LIPA: variants seen among roughly 807,000 people sequenced by gnomAD.
LIPA encodes the protein lysosomal acid lipase/cholesteryl ester hydrolase.
In LIPA, 26 loss-of-function variants were observed where a neutral mutation model predicts 40.6. That is an observed-to-expected ratio of 0.64 (90% CI 0.47 to 0.89). The LOEUF is 0.89. Among genes scored for constraint, LIPA ranks in the 40% least tolerant of loss-of-function variants. LIPA has a pLI of 0.00. For synonymous variants in LIPA, 188 were observed against 168.4 expected (o/e 1.12, Z -0.90); for missense variants, 455 against 479.6 (o/e 0.95, Z 0.48).
At chr10:89,370,589 G>A (rs1332732071) in intron 2 of LIPA, among the ~76,000 whole-genome samples, 1 of 152,048 alleles carries the variant, frequency 6.6e-6, no homozygotes, top group African/African-American at 2.4e-5. Flanking sequence ...GGGTTTTTCA[G>A]TCTAAGCACT....
intron 2 of LIPA, among the ~76,000 whole-genome samples, chr10:89,409,243 G>A (rs1841450588): frequency 6.6e-6 from 1 of 152,174 alleles, no homozygotes; most frequent in Non-Finnish European, 1.5e-5. Context: ...CAACCTCGGT[G>A]TTCTATAATA....
chr10:89,285,460 C>T (rs368974514), intron 1 of LIPA, among the ~76,000 whole-genome samples: 2 of 152,232 alleles, frequency 1.3e-5, no homozygotes, highest in East Asian at 3.8e-4. Flanking sequence ...TTCGGGAAGA[C>T]AGTCTTCCCT....
chr10:89,384,948 A>G (rs1844194573), intron 2 of LIPA: 1 of 534,128 alleles, frequency 1.9e-6, no homozygotes. Context: ...ACCAGACATA[A>G]GACCCCCTGA....
chr10:89,394,993 A>T (rs1564807920), intron 2 of LIPA, among the ~76,000 whole-genome samples: 1 of 151,968 alleles, frequency 6.6e-6, no homozygotes, highest in Non-Finnish European at 1.5e-5. Flanking sequence ...TCCCTTTTTG[A>T]ATATTAAGTT....
chr10:89,229,492 T>G (rs1842813800), intron 3 of LIPA, among the ~76,000 whole-genome samples: 1 of 152,210 alleles, frequency 6.6e-6, no homozygotes, highest in Non-Finnish European at 1.5e-5. Flanking sequence ...GGTTCATGCC[T>G]GCAATCCCAG....
At chr10:89,414,334 C>T (rs771705206) in intron 1 of LIPA, 10 of 156,478 alleles carry the variant, frequency 6.4e-5, no homozygotes, top group Non-Finnish European at 5.6e-5. Context: ...CTGGGTGACA[C>T]AGTGAGACGC....
Position 89,402,725 on chromosome 10 carries a change from G to T in LIPA, c.61+10066C>A, listed in dbSNP as rs764732718. 4 of 1,614,224 alleles carry T rather than the reference G, an allele frequency of 2.5e-6. No homozygotes were observed. In the East Asian group the frequency reaches 8.9e-5, roughly 36 times the overall value. The stretch of plus-strand genomic sequence containing the variant: ...ACTGTGAGGAAGGATGGGCCTTGCT[G>T]AAGTGTGGAGGAAAAAATTATGAAC... On this transcript the variant is annotated intron_variant, in intron 2 of 8. Coordinates refer to the LIPA transcript ENST00000371837.
chr10:89,390,711 T>G (rs1844241025), intron 2 of LIPA, among the ~76,000 whole-genome samples: 1 of 152,224 alleles, frequency 6.6e-6, no homozygotes, highest in South Asian at 2.1e-4. Flanking sequence ...TAAGCAAGAT[T>G]CTGAATACCT....
chr10:89,339,967 T>C, intron 1 of LIPA: 3 of 1,614,198 alleles, frequency 1.9e-6, no homozygotes, highest in Non-Finnish European at 2.5e-6. Context: ...AGCCAAATGT[T>C]ATGAGAAGGA....
intron 3 of LIPA, among the ~76,000 whole-genome samples, chr10:89,231,068 A>G (rs1420282098): frequency 6.6e-6 from 1 of 152,244 alleles, no homozygotes; most frequent in Non-Finnish European, 1.5e-5. Flanking sequence ...CAACCATGAC[A>G]AGGACAGTGA....
chr10:89,375,948 A>T (rs966547950), intron 2 of LIPA, among the ~76,000 whole-genome samples: 4 of 152,080 alleles, frequency 2.6e-5, no homozygotes, highest in African/African-American at 9.7e-5. Flanking sequence ...ACACTTTAGG[A>T]GGCCAACACA....
chr10:89,245,067 T>G (rs2133462960), intron 3 of LIPA, among the ~76,000 whole-genome samples: 1 of 152,286 alleles, frequency 6.6e-6, no homozygotes, highest in South Asian at 2.1e-4. Flanking sequence ...TATCATGCAC[T>G]TCTGGAAGAT....
chr10:89,305,660 C>T lies in LIPA; in HGVS notation c.-2+36951G>A, dbSNP rs191555601. Among the ~76,000 whole-genome samples the T allele has an allele frequency of 8.5e-5, 13 of 152,306 alleles. No individual in the cohort carries two copies. In the East Asian group the frequency reaches 1.5e-3, roughly 18 times the overall value. ...AAAACCAAGCCTCCACAGAGACCCT[C>T]GAAAGCAGAGAGGGCAGAGCTGTTT... On this transcript the variant is annotated intron_variant, in intron 1 of 5. Transcript: ENST00000282673.
At chr10:89,297,458 G>T (rs1564778863) in intron 1 of LIPA, among the ~76,000 whole-genome samples, 2 of 152,110 alleles carry the variant, frequency 1.3e-5, no homozygotes, top group Non-Finnish European at 2.9e-5. Context: ...GGAGCCCCCA[G>T]TGATATTTCC....
intron 1 of LIPA, among the ~76,000 whole-genome samples, chr10:89,325,555 T>C (rs920717746): frequency 2.0e-5 from 3 of 152,148 alleles, no homozygotes; most frequent in African/African-American, 7.2e-5. Context: ...GAATATCATG[T>C]CCTTTGCAGT....
chr10:89,268,153 G>A (rs114251910), intron 1 of LIPA, among the ~76,000 whole-genome samples: 1,700 of 152,322 alleles, frequency 0.011, 25 homozygotes, highest in African/African-American at 0.039. Flanking sequence ...GAGGAAAATA[G>A]GAGGTCCAGG....
At chr10:89,295,258 T>A (rs1564778363) in intron 1 of LIPA, among the ~76,000 whole-genome samples, 2 of 152,190 alleles carry the variant, frequency 1.3e-5, no homozygotes, top group Non-Finnish European at 2.9e-5. Flanking sequence ...CCCACTGGGC[T>A]ACCTAAGTAT....
At chr10:89,320,247 G>A (rs1049312012) in intron 1 of LIPA, among the ~76,000 whole-genome samples, 1 of 152,144 alleles carries the variant, frequency 6.6e-6, no homozygotes, top group Non-Finnish European at 1.5e-5. Flanking sequence ...GAAATAAAGG[G>A]TATTCAATTA....
chr10:89,350,315 C>CTTTTTTT (rs71471123), intron 2 of LIPA, among the ~76,000 whole-genome samples: 1 of 148,368 alleles, frequency 6.7e-6, no homozygotes, highest in Non-Finnish European at 1.5e-5. Flanking sequence ...GTGAAGTTAC[C>CTTTTTTT]TTTTTTTTTA....
Sources: gnomAD v4.1 joint callset for allele counts (sites outside exome capture counted in the v4.1 genomes callset) on GRCh38, gnomAD v4.1.1 for gene constraint, MANE v1.5 for transcripts, NCBI Gene and HGNC (gene_info 2026-07-23, HGNC 2026-07-21) for gene names.